KCNIP1: variants seen among roughly 807,000 people sequenced by gnomAD.
KCNIP1 encodes potassium voltage-gated channel interacting protein 1, also known as A-type potassium channel modulatory protein KCNIP1.
In KCNIP1, 18 loss-of-function variants were observed where a neutral mutation model predicts 33.0. The ratio of observed to expected loss-of-function variants is 0.55; its 90% confidence interval spans 0.38 to 0.81. The LOEUF is 0.81. Ranked by LOEUF, KCNIP1 falls within the 30% of genes least tolerant of loss-of-function variation. KCNIP1 has a pLI of 0.00. For missense variants in KCNIP1, 238 were observed against 271.6 expected, an observed-to-expected ratio of 0.88 and a Z score of 0.87; for synonymous variants, 93 against 98.3, an observed-to-expected ratio of 0.95 and a Z score of 0.32.
intron 1 of KCNIP1, among the ~76,000 whole-genome samples, chr5:170,588,410 A>G (rs1319903770): frequency 1.3e-5 from 2 of 152,202 alleles, no homozygotes; most frequent in Non-Finnish European, 2.9e-5. Context: ...TTTACACTCA[A>G]GGGAACTTCC....
chr5:170,573,872 C>T (rs979651794), intron 1 of KCNIP1, among the ~76,000 whole-genome samples: 3 of 152,114 alleles, frequency 2.0e-5, no homozygotes, highest in Non-Finnish European at 2.9e-5. Context: ...CAATTCCTGA[C>T]CTATGCAATG....
intron 1 of KCNIP1, among the ~76,000 whole-genome samples, chr5:170,527,163 C>A (rs570927381): frequency 1.3e-5 from 2 of 152,314 alleles, no homozygotes; most frequent in East Asian, 3.9e-4. Flanking sequence ...TCCTAAGCAG[C>A]CCCAGCATGG....
At chr5:170,451,723 T>TTGTGTGTGTGTGTGTGTGTGTGTGTG (rs67542248) in intron 1 of KCNIP1, among the ~76,000 whole-genome samples, 7 of 122,974 alleles carry the variant, frequency 5.7e-5, no homozygotes, top group South Asian at 3.0e-4. Context: ...TTCTCCTGCA[T>TTGTGTGTGTGTGTGTGTGTGTGTGTG]TGTGTGTGTG....
intron 1 of KCNIP1, among the ~76,000 whole-genome samples, chr5:170,525,797 T>A (rs998800093): frequency 6.6e-6 from 1 of 152,158 alleles, no homozygotes; most frequent in Non-Finnish European, 1.5e-5. Flanking sequence ...AGGAAGTAAT[T>A]CCAGACTCTG....
chr5:170,526,719 C>CTTTTTTGCTTTTTTTTT (rs774926936), intron 1 of KCNIP1, among the ~76,000 whole-genome samples: 1 of 122,812 alleles, frequency 8.1e-6, no homozygotes, highest in Admixed American at 8.5e-5. Flanking sequence ...ATCTGATTAG[C>CTTTTTTGCTTTTTTTTT]TTTTTTTTTT....
At chr5:170,442,551 T>C (rs1756018038) in intron 1 of KCNIP1, among the ~76,000 whole-genome samples, 1 of 152,116 alleles carries the variant, frequency 6.6e-6, no homozygotes, top group South Asian at 2.1e-4. Flanking sequence ...AAAGGCCTTC[T>C]AGCTCCGCCC....
At chr5:170,720,288 A>T (rs1763773909) in intron 2 of KCNIP1, 33 bp from the exon 3 acceptor site, 1 of 1,562,682 alleles carries the variant, frequency 6.4e-7, no homozygotes, top group Non-Finnish European at 8.8e-7. Flanking sequence ...TGGCCCTCAA[A>T]TGCCTCCCGC....
chr5:170,582,707 T>A (rs1757841211), intron 1 of KCNIP1, among the ~76,000 whole-genome samples: 1 of 152,090 alleles, frequency 6.6e-6, no homozygotes, highest in South Asian at 2.1e-4. Context: ...TCCAAGCAGA[T>A]CACTTATCTG....
chr5:170,711,415 A>G (rs77242413), intron 1 of KCNIP1, among the ~76,000 whole-genome samples: 3 of 152,190 alleles, frequency 2.0e-5, no homozygotes, highest in Non-Finnish European at 4.4e-5. Context: ...TTCTAAACAT[A>G]TCTATATTAA....
chr5:170,583,880 A>T (rs992084456), intron 1 of KCNIP1, among the ~76,000 whole-genome samples: 5 of 152,144 alleles, frequency 3.3e-5, no homozygotes, highest in Non-Finnish European at 7.3e-5. Context: ...ACAGTTGTAC[A>T]TATTTATGGG....
chr5:170,484,942 C>CTTTTTTTTTT (rs397999898), intron 1 of KCNIP1, among the ~76,000 whole-genome samples: 2 of 129,474 alleles, frequency 1.5e-5, no homozygotes, highest in African/African-American at 5.8e-5. Flanking sequence ...TTTCTTTTTT[C>CTTTTTTTTTT]TTTTTTTTTT....
chr5:170,369,867 TATTATTATCACGG>T (rs1763796995), intron 1 of KCNIP1, among the ~76,000 whole-genome samples: 1 of 152,246 alleles, frequency 6.6e-6, no homozygotes, highest in Non-Finnish European at 1.5e-5. Context: ...TGGCCAGGCC[TATTATTATCACGG>T]GTCATGATTC....
intron 1 of KCNIP1, among the ~76,000 whole-genome samples, chr5:170,525,059 C>G (rs931614912): frequency 6.6e-5 from 10 of 152,326 alleles, no homozygotes; most frequent in African/African-American, 2.4e-4. Flanking sequence ...GGAAACTTTG[C>G]CTAAGATTTA....
At chr5:170,415,054 T>TCA (rs1273333611) in intron 1 of KCNIP1, among the ~76,000 whole-genome samples, 3 of 152,270 alleles carry the variant, frequency 2.0e-5, no homozygotes, top group Non-Finnish European at 4.4e-5. Context: ...TAAATGCTGT[T>TCA]ACCTTAGCTA....
intron 1 of KCNIP1, among the ~76,000 whole-genome samples, chr5:170,531,862 C>T (rs1170651587): frequency 6.8e-6 from 1 of 147,100 alleles, no homozygotes; most frequent in African/African-American, 2.5e-5. Context: ...GTTGTCCTGT[C>T]CTCTAGAATC....
intron 1 of KCNIP1, among the ~76,000 whole-genome samples, chr5:170,420,128 T>A (rs936339348): frequency 2.0e-5 from 3 of 152,194 alleles, no homozygotes; most frequent in African/African-American, 7.2e-5. Context: ...AATATGATAT[T>A]TTATTTAACC....
intron 1 of KCNIP1, among the ~76,000 whole-genome samples, chr5:170,400,077 G>T (rs1475938205): frequency 1.3e-5 from 2 of 152,158 alleles, no homozygotes; most frequent in Non-Finnish European, 2.9e-5. Flanking sequence ...GTTAGACCAG[G>T]GATTGGAATT....
At chr5:170,409,157 G>A (rs1755114410) in intron 1 of KCNIP1, among the ~76,000 whole-genome samples, 1 of 152,212 alleles carries the variant, frequency 6.6e-6, no homozygotes, top group Admixed American at 6.5e-5. Flanking sequence ...GATCCAGGAT[G>A]TGAACACTGG....
At chr5:170,409,484 C>A (rs1462378187) in intron 1 of KCNIP1, among the ~76,000 whole-genome samples, 2 of 152,198 alleles carry the variant, frequency 1.3e-5, no homozygotes, top group Non-Finnish European at 2.9e-5. Flanking sequence ...AACTTGGGAA[C>A]AAACAGTACC....
Sources: gnomAD v4.1 joint callset for allele counts (sites outside exome capture counted in the v4.1 genomes callset) on GRCh38, gnomAD v4.1.1 for gene constraint, MANE v1.5 for transcripts, NCBI Gene and HGNC (gene_info 2026-07-23, HGNC 2026-07-21) for gene names.